STK33: variants seen among roughly 807,000 people sequenced by gnomAD.
The protein encoded by STK33 is serine/threonine kinase 33, also known as serine/threonine-protein kinase 33.
In STK33, 52 loss-of-function variants were observed where a neutral mutation model predicts 58.0. The observed-to-expected ratio is 0.90, with a 90% CI of 0.72 to 1.13. The LOEUF (loss-of-function observed/expected upper bound fraction) is 1.13. Among genes scored for constraint, STK33 ranks in the 50% most tolerant of loss-of-function variants. The pLI, the probability that STK33 is intolerant of heterozygous loss-of-function variation, is 0.00. For synonymous variants in STK33, 215 were observed against 200.1 expected, an observed-to-expected ratio of 1.07 and a Z score of -0.63; for missense variants, 630 against 604.2, an observed-to-expected ratio of 1.04 and a Z score of -0.45.
chr11:8,485,914 C>A (rs566741146), intron 1 of STK33, among the ~76,000 whole-genome samples: 52 of 152,224 alleles, frequency 3.4e-4, no homozygotes, highest in Non-Finnish European at 6.6e-4. Context: ...CTAAATAATG[C>A]AAACAATTTT....
chr11:8,335,412 A>G, the STK33 span, among the ~76,000 whole-genome samples: 1 of 152,210 alleles, frequency 6.6e-6, no homozygotes, highest in African/African-American at 2.4e-5. Context: ...CTCATGCAGG[A>G]CAATGGCCAT....
intron 1 of STK33, among the ~76,000 whole-genome samples, chr11:8,571,072 G>A (rs752545041): frequency 6.6e-6 from 1 of 152,170 alleles, no homozygotes; most frequent in Non-Finnish European, 1.5e-5. Flanking sequence ...AACATGATGA[G>A]TTCCATGATT....
At position 8,517,868 on chromosome 11, in the gene STK33, T is replaced by G. The variant is rs548256244; in HGVS notation, c.-465-37254A>C. Among the ~76,000 whole-genome samples, 4 of 152,242 alleles carry G rather than the reference T, an allele frequency of 2.6e-5. No homozygotes were observed. In the South Asian group the frequency reaches 6.2e-4, roughly 24 times the overall value. On this transcript the variant is annotated intron_variant, in intron 1 of 15. Transcript: ENST00000687296. Reference sequence around the variant, plus strand: ...AAAGACCAAATCTATGATTGATTGGTGTACCTGAAAGTGAAGGGAAGAATG... The same window carrying G: ...AAAGACCAAATCTATGATTGATTGGGGTACCTGAAAGTGAAGGGAAGAATG...
At chr11:8,500,699 T>C (rs1015855878) in intron 1 of STK33, among the ~76,000 whole-genome samples, 2 of 152,266 alleles carry the variant, frequency 1.3e-5, no homozygotes, top group South Asian at 2.1e-4. Context: ...AAAGTTCATA[T>C]GAAAATGAAA....
chr11:8,475,220 A>G (rs760583285), intron 4 of STK33, 154 bp from the exon 5 acceptor site: 9 of 227,690 alleles, frequency 4.0e-5, no homozygotes, highest in Non-Finnish European at 6.8e-5. Flanking sequence ...GCATGGTCTA[A>G]AACAGCATCT....
rs1948933257 is a variant in STK33, at chr11:8,473,087, C to T, written c.339+76G>A. 3 of 846,504 alleles carry T rather than the reference C, an allele frequency of 3.5e-6. No individual in the cohort carries two copies. In the Admixed American group the frequency reaches 7.5e-5, roughly 21 times the overall value. The allele number at this position is 846,504 out of a possible 1,614,324, so 52.4% of individuals were successfully genotyped here. A position where few individuals can be genotyped will look rare whatever the true frequency, so the allele number is the denominator to read the frequency against. On this transcript the variant is annotated intron_variant, in intron 6 of 15. Transcript: ENST00000687296. Reference sequence around the variant, plus strand: ...TTCCTTTCCTTAGAGATTTATTTTTCAATCATTTTTCCTATTAACCATTGA... The same window carrying T: ...TTCCTTTCCTTAGAGATTTATTTTTTAATCATTTTTCCTATTAACCATTGA...
At chr11:8,372,155 A>T in the STK33 span, among the ~76,000 whole-genome samples, 2 of 152,272 alleles carry the variant, frequency 1.3e-5, no homozygotes, top group African/African-American at 4.8e-5. Context: ...GGTGTGAGCC[A>T]CCATGCCCGG....
At chr11:8,349,103 C>A in the STK33 span, among the ~76,000 whole-genome samples, 50 of 152,290 alleles carry the variant, frequency 3.3e-4, no homozygotes, top group African/African-American at 1.2e-3. Context: ...CCTCTGTTCT[C>A]TGGCTGATCC....
chr11:8,508,403 G>C (rs1952039885), intron 1 of STK33, among the ~76,000 whole-genome samples: 1 of 150,454 alleles, frequency 6.6e-6, no homozygotes. Context: ...CCAGTAGCTA[G>C]AACTACAGGT....
At chr11:8,361,537 A>G in the STK33 span, among the ~76,000 whole-genome samples, 287 of 151,560 alleles carry the variant, frequency 1.9e-3, no homozygotes, top group Non-Finnish European at 3.1e-3. This position sits in a 1 kb window ranked among gnomAD's most constrained non-coding sequence, Gnocchi z 4.8. Flanking sequence ...CTGACTCTCA[A>G]TGTGCCAGGC....
intron 15 of STK33, among the ~76,000 whole-genome samples, chr11:8,401,896 C>T (rs1260934226): frequency 1.2e-3 from 184 of 152,108 alleles, no homozygotes; most frequent in Non-Finnish European, 1.7e-3. Flanking sequence ...CAGAGAAATG[C>T]AAATCAAAAC....
At chr11:8,472,943 T>G (rs1404932099) in intron 6 of STK33, among the ~76,000 whole-genome samples, 2 of 152,178 alleles carry the variant, frequency 1.3e-5, no homozygotes, top group African/African-American at 2.4e-5. Context: ...CTAATGAAAA[T>G]GTTCTCCACT....
intron 1 of STK33, among the ~76,000 whole-genome samples, chr11:8,547,758 C>T (rs1175979869): frequency 2.0e-5 from 3 of 152,076 alleles, no homozygotes; most frequent in Non-Finnish European, 4.4e-5. Context: ...GCTTTTGTTG[C>T]CTGTGCTTTT....
At chr11:8,558,848 C>A (rs183195630) in intron 1 of STK33, among the ~76,000 whole-genome samples, 23 of 152,312 alleles carry the variant, frequency 1.5e-4, no homozygotes, top group Admixed American at 3.3e-4. Context: ...GCAGCAAATT[C>A]ACGTTTTCAA....
At chr11:8,459,717 T>A (rs1947288274) in intron 8 of STK33, among the ~76,000 whole-genome samples, 1 of 151,182 alleles carries the variant, frequency 6.6e-6, no homozygotes, top group South Asian at 2.1e-4. Flanking sequence ...GGGCATGGAG[T>A]TGGAAGCCCA....
At chr11:8,491,590 A>AG (rs536556560) in intron 1 of STK33, among the ~76,000 whole-genome samples, 234 of 152,326 alleles carry the variant, frequency 1.5e-3, no homozygotes, top group African/African-American at 5.0e-3. Flanking sequence ...GGAAATACAG[A>AG]GAACACCATA....
At chr11:8,505,119 C>T (rs1356671914) in intron 1 of STK33, among the ~76,000 whole-genome samples, 1 of 152,210 alleles carries the variant, frequency 6.6e-6, no homozygotes, top group Non-Finnish European at 1.5e-5. Flanking sequence ...TACCAACACA[C>T]CACTGGACAG....
chr11:8,387,654 A>G (rs1368581270), downstream of STK33, among the ~76,000 whole-genome samples: 1 of 152,226 alleles, frequency 6.6e-6, no homozygotes, highest in Non-Finnish European at 1.5e-5. Context: ...ATTATAGCTC[A>G]AAGTCCAGCT....
intron 14 of STK33, among the ~76,000 whole-genome samples, chr11:8,420,790 A>G (rs112545862): frequency 0.1 from 15,699 of 152,160 alleles, 900 homozygotes; most frequent in African/African-American, 0.13. Context: ...TGAGCTCAGG[A>G]GTTCGAGACC....
Sources: allele counts gnomAD v4.1 joint callset (sites outside exome capture counted in the v4.1 genomes callset), GRCh38; gene constraint gnomAD v4.1.1; non-coding constraint Gnocchi (gnomAD v3.1); transcripts MANE v1.5; gene names NCBI Gene and HGNC (gene_info 2026-07-23, HGNC 2026-07-21).